RTTN: variants seen among roughly 807,000 people sequenced by gnomAD.
The protein encoded by RTTN is rotatin.
RTTN carries 182 observed loss-of-function variants against 269.2 expected under a neutral mutation model. The observed-to-expected ratio is 0.68, with a 90% confidence interval of 0.60 to 0.76. The LOEUF (loss-of-function observed/expected upper bound fraction) is 0.76, where lower values mean the gene tolerates loss of function less well. Ranked by LOEUF, RTTN falls within the 30% of genes least tolerant of loss-of-function variation. The pLI, the probability that RTTN is intolerant of heterozygous loss-of-function variation, is 0.00. For missense variants in RTTN, 2,545 were observed against 2,608.6 expected (o/e 0.98, Z 0.53); for synonymous variants, 1,006 against 963.5 (o/e 1.04, Z -0.82).
chr18:70,007,671 C>G (rs2056236535), intron 46 of RTTN: 1 of 152,296 alleles, frequency 6.6e-6, no homozygotes, highest in African/African-American at 2.4e-5. Flanking sequence ...CCCACCACAG[C>G]TCAGCAAAGA....
In RTTN at chr18:70,128,701, T is replaced by G. The variant is rs1490806360; in HGVS notation, c.2955-155A>C. ...TATTTTAAACAATTATCATAATTTA[T>G]ACAGTATTTCAATTATTCTTTTCAT... On this transcript the variant is annotated intron_variant, in intron 23 of 48. Coordinates refer to ENST00000640769, the MANE Select transcript of RTTN (RefSeq NM_173630.4). 4 of 615,588 alleles carry G rather than the reference T, an allele frequency of 6.5e-6. No homozygotes were observed. In the East Asian group the frequency reaches 1.1e-4, roughly 17 times the overall value. The allele number at this position is 615,588 out of a possible 1,614,324, so 38.1% of individuals were successfully genotyped here. A position where few individuals can be genotyped will look rare whatever the true frequency, so the allele number is the denominator to read the frequency against.
Position 70,020,485 on chromosome 18 carries a change from C to A in RTTN, c.6153+130G>T, listed in dbSNP as rs2056670476. On this transcript the variant is annotated intron_variant, in intron 45 of 48. Transcript: ENST00000640769. ...TTTAAACAAAGTGAACCTCTTAACC[C>A]TTTTATAATCCTTTAAAATAAAATG... The A allele has an allele frequency of 5.4e-6, 5 of 931,276 alleles. No individual in the cohort carries two copies. In the South Asian group the frequency reaches 8.5e-5, roughly 16 times the overall value. 57.7% of individuals were successfully genotyped at this position (931,276 alleles called of 1,614,324 possible). A position where few individuals can be genotyped will look rare whatever the true frequency, so the allele number is the denominator to read the frequency against.
At chr18:70,130,433 G>A (rs1427802693) in intron 23 of RTTN, 1 of 151,980 alleles carries the variant, frequency 6.6e-6, no homozygotes, top group African/African-American at 2.4e-5. Context: ...ATACACAATG[G>A]AGTATCATTC....
chr18:70,155,457 A>C (rs2060648419), intron 14 of RTTN, among the ~76,000 whole-genome samples: 1 of 152,262 alleles, frequency 6.6e-6, no homozygotes, highest in Non-Finnish European at 1.5e-5. Flanking sequence ...ATTCACAACA[A>C]CACAAAAGAA....
Position 70,092,747 on chromosome 18 carries a change from C to G in RTTN, c.3961G>C (p.Gly1321Arg), listed in dbSNP as rs1186565120. ...GGNAMSFMGKGVTKSTILCLL... is the reference protein window; with the variant it reads ...GGNAMSFMGKRVTKSTILCLL... ...CAAAGAATTGTGCTCTTTGTAACACCTTTTCCCATGAAGGACATAGCATTT... is the reference window on the plus strand; with the variant it reads ...CAAAGAATTGTGCTCTTTGTAACACGTTTTCCCATGAAGGACATAGCATTT... The change falls in exon 29 of 49, where the codon GGT (glycine) becomes CGT (arginine). Residue 1321 changes from glycine (G) to arginine (R), a missense_variant. Physicochemically the swap from Gly to Arg is moderately radical, Grantham distance 125. Transcript: ENST00000640769. 4 of 1,613,402 alleles carry G rather than the reference C, an allele frequency of 2.5e-6. No individual in the cohort carries two copies. The highest frequency in any genetic ancestry group is 3.4e-6 in the Non-Finnish European group (4 of 1,179,564).
chr18:70,058,427 A>G (rs1275914465), intron 36 of RTTN, among the ~76,000 whole-genome samples: 1 of 152,174 alleles, frequency 6.6e-6, no homozygotes, highest in East Asian at 1.9e-4. Flanking sequence ...TTGAGACAGG[A>G]GAATCGCTTG....
intron 11 of RTTN, among the ~76,000 whole-genome samples, chr18:70,172,039 C>T (rs997189373): frequency 3.9e-5 from 6 of 152,170 alleles, no homozygotes; most frequent in Non-Finnish European, 8.8e-5. Flanking sequence ...AACAGCAGTT[C>T]CTAGAATGCT....
In RTTN at chr18:70,166,106, G is replaced by A. The variant is rs888852861; in HGVS notation, c.1885C>T (p.Arg629Ter). 6.2e-6 allele frequency: 10 copies of A among 1,613,396 alleles called. No individual in the cohort carries two copies. Among genetic ancestry groups the A allele is most frequent in the African/African-American group, 1.3e-5 (1 of 74,904 alleles). ...LLHMLSHPLP[R>*]VKAETYHCCL... ...CAGTGGTAAGTTTCAGCTTTCACTC[G>A]TGGCAATGGGTGAGACAACATATGG... Residue 629 changes from arginine (R) to a stop codon, truncating the protein, a stop_gained, in exon 14 of 49, where the codon CGA (arginine) becomes TGA (stop). Coordinates refer to ENST00000640769, the MANE Select transcript of RTTN (RefSeq NM_173630.4). LOFTEE classifies it high-confidence loss of function.
chr18:70,009,221 C>T (rs958403408), intron 46 of RTTN, among the ~76,000 whole-genome samples: 68 of 150,154 alleles, frequency 4.5e-4, no homozygotes, highest in Non-Finnish European at 8.2e-4. Flanking sequence ...CTGCAACCTC[C>T]GCCTACCAGG....
rs2058358830 is a variant in RTTN at position 70,073,823 on chromosome 18, T to C, written c.4653+83A>G. 5.3e-6 allele frequency: 5 copies of C among 940,486 alleles called. 1 individual carries two copies. In the South Asian group the frequency reaches 5.4e-5, roughly 10 times the overall value. The allele number at this position is 940,486 out of a possible 1,614,324, so 58.3% of individuals were successfully genotyped here. ...ATCATAGCTGTTATAACCTTACACT[T>C]TGTATTCTTAACTCTCCCACTAGGC... is the stretch of plus-strand genomic sequence containing the variant. On this transcript the variant is annotated intron_variant, in intron 34 of 48. Coordinates refer to ENST00000640769, the MANE Select transcript of RTTN (RefSeq NM_173630.4).
Position 70,048,192 on chromosome 18 carries a change from A to C in RTTN, c.5324-4T>G. ...CCTGCACATGTGCAGAACATATCTAAAGGAATAATTTCAGATGTGAATGTT... is the reference window on the plus strand; with the variant it reads ...CCTGCACATGTGCAGAACATATCTACAGGAATAATTTCAGATGTGAATGTT... On this transcript the variant is annotated splice_polypyrimidine_tract_variant and splice_region_variant and intron_variant, in intron 39 of 48. Coordinates refer to ENST00000640769, the MANE Select transcript of RTTN (RefSeq NM_173630.4). The C allele has an allele frequency of 6.2e-7, 1 of 1,603,396 alleles. No homozygotes were observed. The highest frequency in any genetic ancestry group is 8.5e-7 in the Non-Finnish European group (1 of 1,172,428).
intron 18 of RTTN, among the ~76,000 whole-genome samples, chr18:70,142,601 T>G (rs1231828300): frequency 1.3e-5 from 2 of 152,232 alleles, no homozygotes; most frequent in Non-Finnish European, 2.9e-5. Flanking sequence ...TTCACAATGG[T>G]TGAACTAATT....
chr18:70,045,877 G>A (rs1002884845), intron 40 of RTTN, among the ~76,000 whole-genome samples: 2 of 152,108 alleles, frequency 1.3e-5, no homozygotes, highest in Admixed American at 6.5e-5. Context: ...GAAATAAAGA[G>A]GAAAATTAGC....
At chr18:70,042,828 C>A (rs2057385506) in intron 40 of RTTN, among the ~76,000 whole-genome samples, 1 of 152,192 alleles carries the variant, frequency 6.6e-6, no homozygotes, top group Non-Finnish European at 1.5e-5. Context: ...TCATTTAGAT[C>A]TCAAAAGACC....
chr18:70,049,655 T>C (rs2057598721), intron 39 of RTTN, among the ~76,000 whole-genome samples: 1 of 152,166 alleles, frequency 6.6e-6, no homozygotes, highest in Non-Finnish European at 1.5e-5. Context: ...CAATTTTGAG[T>C]ACATTTAAGT....
intron 14 of RTTN, among the ~76,000 whole-genome samples, chr18:70,158,349 C>T (rs1217163643): frequency 6.6e-6 from 1 of 152,136 alleles, no homozygotes; most frequent in Non-Finnish European, 1.5e-5. Flanking sequence ...CCAAGCTAAG[C>T]TTCATAAGCA....
At chr18:70,184,515 G>T (rs2146040304) in intron 10 of RTTN, among the ~76,000 whole-genome samples, 1 of 152,048 alleles carries the variant, frequency 6.6e-6, no homozygotes, top group African/African-American at 2.4e-5. Flanking sequence ...TCATGCCACT[G>T]CACTCCAGTC....
chr18:70,139,814 T>C, intron 20 of RTTN, 98 bp from the exon 21 acceptor site: 2 of 762,884 alleles, frequency 2.6e-6, no homozygotes, highest in Non-Finnish European at 4.4e-6. Flanking sequence ...TTATGCGTTT[T>C]CATCAAAATT....
chr18:70,013,524 C>CA (rs1460995866), intron 46 of RTTN, among the ~76,000 whole-genome samples: 2 of 150,300 alleles, frequency 1.3e-5, no homozygotes, highest in Admixed American at 1.3e-4. Flanking sequence ...TATAACAAAG[C>CA]AATAAAACAA....
Sources: gnomAD v4.1 joint callset for allele counts (sites outside exome capture counted in the v4.1 genomes callset) on GRCh38, gnomAD v4.1.1 for gene constraint, MANE v1.5 for transcripts, NCBI Gene and HGNC (gene_info 2026-07-23, HGNC 2026-07-21) for gene names.